The following MACROD2 variants were observed in gnomAD, a reference collection of about 807,000 sequenced individuals.
MACROD2 encodes mono-ADP ribosylhydrolase 2.
MACROD2 carries 36 observed loss-of-function variants against 70.4 expected under a neutral mutation model. That is an observed-to-expected ratio of 0.51 (90% CI 0.39 to 0.68). The LOEUF is 0.68. Ranked by LOEUF, MACROD2 falls within the 30% of genes least tolerant of loss-of-function variation. The pLI is 0.00. For missense variants in MACROD2, 496 were observed against 538.4 expected, an observed-to-expected ratio of 0.92 and a Z score of 0.78; for synonymous variants, 172 against 178.8, an observed-to-expected ratio of 0.96 and a Z score of 0.30.
At chr20:14,303,073 G>T (rs568972284) in intron 3 of MACROD2, among the ~76,000 whole-genome samples, 32 of 152,342 alleles carry the variant, frequency 2.1e-4, no homozygotes, top group African/African-American at 7.7e-4. Flanking sequence ...TCTGATGTCA[G>T]TGGAGAGGTG....
chr20:14,727,478 T>A (rs926709045), intron 5 of MACROD2, among the ~76,000 whole-genome samples: 1 of 151,694 alleles, frequency 6.6e-6, no homozygotes, highest in Non-Finnish European at 1.5e-5. Context: ...GAAGCTGCAG[T>A]GAGCCATGAT....
intron 8 of MACROD2, among the ~76,000 whole-genome samples, chr20:15,845,792 C>G (rs1256016667): frequency 6.6e-6 from 1 of 152,168 alleles, no homozygotes; most frequent in African/African-American, 2.4e-5. Flanking sequence ...CTGGACAACC[C>G]TACCCTACAG....
chr20:14,197,494 A>G (rs866230578), intron 3 of MACROD2, among the ~76,000 whole-genome samples: 1 of 152,192 alleles, frequency 6.6e-6, no homozygotes, highest in Non-Finnish European at 1.5e-5. Context: ...AGAAACTGGC[A>G]TGGTTGCTCA....
intron 8 of MACROD2, among the ~76,000 whole-genome samples, chr20:15,789,730 G>A (rs950156546): frequency 1.3e-5 from 2 of 151,874 alleles, no homozygotes; most frequent in African/African-American, 4.8e-5. Flanking sequence ...ACTACATAAA[G>A]AAGGAAGAAA....
chr20:14,610,544 TTGAA>T (rs1223593477), intron 4 of MACROD2, among the ~76,000 whole-genome samples: 8 of 152,238 alleles, frequency 5.3e-5, no homozygotes, highest in Admixed American at 4.6e-4. Context: ...TAGTTATTCT[TTGAA>T]TGGTGAAAAT....
intron 6 of MACROD2, among the ~76,000 whole-genome samples, chr20:15,268,865 C>T (rs2077320755): frequency 6.6e-6 from 1 of 152,038 alleles, no homozygotes; most frequent in Admixed American, 6.6e-5. Context: ...CCATGAACTC[C>T]CCACGGGAAA....
At chr20:14,665,261 T>C (rs2070724917) in intron 4 of MACROD2, among the ~76,000 whole-genome samples, 2 of 152,000 alleles carry the variant, frequency 1.3e-5, no homozygotes, top group South Asian at 4.1e-4. Flanking sequence ...AATGGCAGCT[T>C]AATGGCCTTA....
chr20:15,586,645 A>G (rs2048606217), intron 8 of MACROD2, among the ~76,000 whole-genome samples: 1 of 152,214 alleles, frequency 6.6e-6, no homozygotes, highest in Admixed American at 6.5e-5. Flanking sequence ...CTAATTTATC[A>G]TTATTCTGGA....
chr20:15,173,478 C>G (rs139719390), intron 5 of MACROD2, among the ~76,000 whole-genome samples: 452 of 152,192 alleles, frequency 3.0e-3, no homozygotes, highest in African/African-American at 0.01. Context: ...TTTGGCAAAT[C>G]GAAGGAATGT....
chr20:15,843,769 G>A (rs6034305), intron 8 of MACROD2, among the ~76,000 whole-genome samples: 6,060 of 152,256 alleles, frequency 0.04, 143 homozygotes, highest in East Asian at 0.092. Flanking sequence ...AGCTGCAACT[G>A]AGAGGAAAGT....
intron 7 of MACROD2, among the ~76,000 whole-genome samples, chr20:15,462,874 G>A (rs990833102): frequency 6.6e-6 from 1 of 152,094 alleles, no homozygotes; most frequent in African/African-American, 2.4e-5. Context: ...TGACAACCAG[G>A]GGTTCTTAAA....
At chr20:15,379,082 T>G (rs1183476868) in intron 6 of MACROD2, among the ~76,000 whole-genome samples, 1 of 152,210 alleles carries the variant, frequency 6.6e-6, no homozygotes, top group Non-Finnish European at 1.5e-5. Context: ...TATGACTATA[T>G]ATAAATGTAT....
chr20:15,882,954 A>G (rs369319433), intron 9 of MACROD2, among the ~76,000 whole-genome samples: 1 of 151,968 alleles, frequency 6.6e-6, no homozygotes, highest in East Asian at 1.9e-4. Flanking sequence ...TTCCTCTGAC[A>G]CTTTTTAATA....
chr20:14,233,698 C>CAAAAAA (rs1261096475), intron 3 of MACROD2, among the ~76,000 whole-genome samples: 12 of 27,432 alleles, frequency 4.4e-4, no homozygotes, highest in African/African-American at 1.1e-3. Context: ...CTCCGTCTCA[C>CAAAAAA]AAAAAAAAAA....
At chr20:14,873,405 G>A (rs1053094578) in intron 5 of MACROD2, among the ~76,000 whole-genome samples, 1 of 152,118 alleles carries the variant, frequency 6.6e-6, no homozygotes, top group African/African-American at 2.4e-5. Flanking sequence ...ACTTTTGCTA[G>A]ATGTAGCTTG....
At chr20:15,419,171 T>C (rs189010135) in intron 6 of MACROD2, among the ~76,000 whole-genome samples, 83 of 152,190 alleles carry the variant, frequency 5.5e-4, no homozygotes, top group African/African-American at 2.0e-3. Flanking sequence ...CCCAGGTGAT[T>C]ACCCAAGGCC....
intron 8 of MACROD2, among the ~76,000 whole-genome samples, chr20:15,624,054 A>C (rs900270632): frequency 6.6e-6 from 1 of 152,188 alleles, no homozygotes; most frequent in East Asian, 1.9e-4. Flanking sequence ...TCAAAACCTC[A>C]AAAGTAGGGA....
At chr20:14,123,449 A>G (rs563655468) in intron 3 of MACROD2, among the ~76,000 whole-genome samples, 69 of 152,236 alleles carry the variant, frequency 4.5e-4, no homozygotes, top group African/African-American at 1.6e-3. Context: ...ATCCATGGTA[A>G]AGATGTAGGG....
At chr20:14,025,995 C>T (rs528782318) in intron 2 of MACROD2, among the ~76,000 whole-genome samples, 1 of 152,240 alleles carries the variant, frequency 6.6e-6, no homozygotes, top group East Asian at 1.9e-4. Context: ...CTTTATAGGT[C>T]TCTAAGAACT....
Sources: gnomAD v4.1 joint callset for allele counts (sites outside exome capture counted in the v4.1 genomes callset) on GRCh38, gnomAD v4.1.1 for gene constraint, MANE v1.5 for transcripts, NCBI Gene and HGNC (gene_info 2026-07-23, HGNC 2026-07-21) for gene names.